Variants in RYR2 observed in about 807,000 individuals in gnomAD.
RYR2 encodes the protein ryanodine receptor 2, also known as cardiac muscle ryanodine receptor-calcium release channel.
Under a neutral mutation model 601.1 loss-of-function variants are expected in RYR2, and 227 were observed. The ratio of observed to expected loss-of-function variants is 0.38; its 90% confidence interval spans 0.34 to 0.42. RYR2 has a LOEUF of 0.42. Among genes scored for constraint, RYR2 ranks in the 10% least tolerant of loss-of-function variants. RYR2 has a pLI of 1.00. For missense variants in RYR2, 4,646 were observed against 6,156.5 expected (o/e 0.75, Z 8.21); for synonymous variants, 2,223 against 2,175.1 (o/e 1.02, Z -0.61).
intron 23 of RYR2, among the ~76,000 whole-genome samples, chr1:237,508,071 C>T (rs1267776743): frequency 2.0e-5 from 3 of 152,140 alleles, no homozygotes; most frequent in African/African-American, 2.4e-5. Context: ...TTAAGCGATT[C>T]TCCTGCTTCA....
At chr1:237,070,031 C>CTTT (rs3056163) in intron 1 of RYR2, among the ~76,000 whole-genome samples, 2,839 of 135,652 alleles carry the variant, frequency 0.021, 118 homozygotes, top group African/African-American at 0.065. Flanking sequence ...GGTGTTTTAA[C>CTTT]TTTTTTTTTT....
At chr1:237,586,696 C>T (rs764195413) in intron 29 of RYR2, among the ~76,000 whole-genome samples, 44 of 151,980 alleles carry the variant, frequency 2.9e-4, no homozygotes, top group Non-Finnish European at 3.8e-4. Flanking sequence ...ATGGATGGTA[C>T]GCTATTTCAG....
At chr1:237,796,544 TG>T (rs1316387897) in intron 96 of RYR2, among the ~76,000 whole-genome samples, 1 of 152,200 alleles carries the variant, frequency 6.6e-6, no homozygotes, top group African/African-American at 2.4e-5. Context: ...TTAATTTACT[TG>T]ATTGCATACA....
At chr1:237,341,834 G>A (rs534834569) in intron 3 of RYR2, among the ~76,000 whole-genome samples, 1 of 152,270 alleles carries the variant, frequency 6.6e-6, no homozygotes, top group East Asian at 1.9e-4. Flanking sequence ...GAAAAGGAAT[G>A]TTTTTGAAAG....
intron 45 of RYR2, among the ~76,000 whole-genome samples, 151 bp downstream of exon 45, chr1:237,638,643 T>C (rs1439987883): frequency 1.3e-5 from 2 of 152,254 alleles, no homozygotes; most frequent in Non-Finnish European, 2.9e-5. Flanking sequence ...TAACCACTTA[T>C]AATACAATAT....
rs191280055 is a variant in RYR2 at position 237,593,332 on chromosome 1, A to G, written c.4276-144A>G. On this transcript the variant is annotated intron_variant, in intron 32 of 104. Transcript: ENST00000366574. ...TGTAGTGTTAGTCCTTTGTGCCTAC[A>G]ATATTTTCATTCACCCAAACGGTTT... is the stretch of plus-strand genomic sequence containing the variant. 6.0e-6 allele frequency: 4 copies of G among 662,344 alleles called. No individual in the cohort carries two copies. In the East Asian group the frequency reaches 1.2e-4, roughly 19 times the overall value. 41.0% of individuals were successfully genotyped at this position (662,344 alleles called of 1,614,324 possible). A position where few individuals can be genotyped will look rare whatever the true frequency, so the allele number is the denominator to read the frequency against.
At chr1:237,363,310 A>G (rs1234449355) in intron 4 of RYR2, among the ~76,000 whole-genome samples, 1 of 152,120 alleles carries the variant, frequency 6.6e-6, no homozygotes, top group East Asian at 1.9e-4. Context: ...AGGTAACTAA[A>G]CAGCCTGTAT....
chr1:237,455,550 A>T (rs57300548), intron 15 of RYR2, among the ~76,000 whole-genome samples: 201 of 152,284 alleles, frequency 1.3e-3, no homozygotes, highest in African/African-American at 4.6e-3. Context: ...AAACCTGCAC[A>T]TGTAACCCCC....
intron 2 of RYR2, among the ~76,000 whole-genome samples, chr1:237,303,625 T>C (rs2149462604): frequency 6.6e-6 from 1 of 152,288 alleles, no homozygotes; most frequent in East Asian, 1.9e-4. Context: ...TTTAATATTT[T>C]AAAATAGTTA....
intron 78 of RYR2, among the ~76,000 whole-genome samples, chr1:237,732,400 T>C (rs1166887817): frequency 6.6e-6 from 1 of 152,196 alleles, no homozygotes; most frequent in African/African-American, 2.4e-5. Context: ...TGATTCTGAT[T>C]CTTCTTATGA....
intron 22 of RYR2, among the ~76,000 whole-genome samples, chr1:237,504,727 A>G (rs1175571783): frequency 2.0e-5 from 3 of 152,220 alleles, no homozygotes; most frequent in Non-Finnish European, 1.5e-5. Context: ...AAGTAATATC[A>G]TACAGATGTG....
intron 1 of RYR2, among the ~76,000 whole-genome samples, chr1:237,142,097 G>A (rs1351868327): frequency 6.6e-6 from 1 of 152,204 alleles, no homozygotes; most frequent in Non-Finnish European, 1.5e-5. Context: ...GGCCCCCATT[G>A]CCCTGACTGC....
In RYR2 at chr1:237,548,551, G is replaced by T. The variant is rs1215995595; in HGVS notation, c.3027G>T (p.Arg1009=). The T allele has an allele frequency of 6.2e-7, 1 of 1,613,968 alleles. No homozygotes were observed. Residue 1009 remains arginine (R), a synonymous_variant, in exon 26 of 105, where the codon CGG becomes CGT. Transcript: ENST00000366574. ...AAAATGCACATAATGTGTGGGCGCGGGATCGAATCCGGCAGGGCTGGACTT... is the reference window on the plus strand; with the variant it reads ...AAAATGCACATAATGTGTGGGCGCGTGATCGAATCCGGCAGGGCTGGACTT... ...LAENAHNVWA[R]DRIRQGWTYG...
At chr1:237,434,270 G>A (rs1172285246) in intron 12 of RYR2, among the ~76,000 whole-genome samples, 1 of 151,980 alleles carries the variant, frequency 6.6e-6, no homozygotes, top group Non-Finnish European at 1.5e-5. Context: ...TTGTCATTGG[G>A]GTGTCTTTGA....
intron 14 of RYR2, among the ~76,000 whole-genome samples, chr1:237,454,093 A>C (rs1007645343): frequency 6.6e-6 from 1 of 152,150 alleles, no homozygotes; most frequent in Admixed American, 6.6e-5. Context: ...CTTTCCAATG[A>C]AAATCAACTG....
rs540296543 is a variant in RYR2, at chr1:237,811,314, T to C, written c.14433+2279T>C. Reference sequence around the variant, plus strand: ...TGTTACATTTTGATCCACTGCCTGTTCTTGAGCCATTTATTTATAGCCCAA... The same window carrying C: ...TGTTACATTTTGATCCACTGCCTGTCCTTGAGCCATTTATTTATAGCCCAA... On this transcript the variant is annotated intron_variant, in intron 100 of 104. Coordinates refer to ENST00000366574, the MANE Select transcript of RYR2 (RefSeq NM_001035.3). Among the ~76,000 whole-genome samples, 3 of 152,304 alleles carry C rather than the reference T, an allele frequency of 2.0e-5. No homozygotes were observed. The South Asian group carries it at 6.2e-4, about 32-fold the overall frequency.
At position 237,148,525 on chromosome 1, in the gene RYR2, A is replaced by ATT. The variant is rs1288744725; in HGVS notation, c.48+105956_48+105957insTT. 3.3e-3 allele frequency among the ~76,000 whole-genome samples: 267 copies of ATT among 81,538 alleles called. 4 individuals carry two copies. Among genetic ancestry groups the ATT allele is most frequent in the African/African-American group, 0.012 (257 of 21,530 alleles). The allele number at this position is 81,538 out of a possible 152,430, so 53.5% of individuals were successfully genotyped here. A position where few individuals can be genotyped will look rare whatever the true frequency, so the allele number is the denominator to read the frequency against. ...TCCCAGAACTTCAAGTAAAAAAAAA[A>ATT]AAATATATATATATATATATATATA... On this transcript the variant is annotated intron_variant, in intron 1 of 104. Transcript: ENST00000366574.
At chr1:237,505,804 T>C (rs941347893) in intron 22 of RYR2, among the ~76,000 whole-genome samples, 5 of 152,220 alleles carry the variant, frequency 3.3e-5, no homozygotes, top group African/African-American at 1.2e-4. Context: ...CACACAGAAG[T>C]GCTTAATCAA....
chr1:237,793,076 C>A (rs1658657743), intron 94 of RYR2, among the ~76,000 whole-genome samples: 1 of 152,204 alleles, frequency 6.6e-6, no homozygotes, highest in Non-Finnish European at 1.5e-5. Flanking sequence ...CTTTTCCTAG[C>A]AAGGTGCTTT....
Sources: allele counts gnomAD v4.1 joint callset (sites outside exome capture counted in the v4.1 genomes callset), GRCh38; gene constraint gnomAD v4.1.1; transcripts MANE v1.5; gene names NCBI Gene and HGNC (gene_info 2026-07-23, HGNC 2026-07-21).